ABL1: variants seen among roughly 807,000 people sequenced by gnomAD.
ABL1 encodes the protein tyrosine-protein kinase ABL1.
Under a neutral mutation model 94.7 loss-of-function variants are expected in ABL1, and 11 were observed. The observed-to-expected ratio is 0.12, with a 90% CI of 0.07 to 0.19. ABL1 has a LOEUF of 0.19. Ranked by LOEUF, ABL1 falls within the 10% of genes least tolerant of loss-of-function variation. ABL1 has a pLI of 1.00. For missense variants in ABL1, 1,082 were observed against 1,489.4 expected (o/e 0.73, Z 4.50); for synonymous variants, 656 against 622.4 (o/e 1.05, Z -0.80).
At chr9:130,783,227 C>T (rs1428302677) in intron 1 of ABL1, among the ~76,000 whole-genome samples, 1 of 152,152 alleles carries the variant, frequency 6.6e-6, no homozygotes, top group Non-Finnish European at 1.5e-5. Context: ...AATAACCACC[C>T]AGTGTTAAGT....
chr9:130,716,439 T>C (rs1831442049), intron 1 of ABL1, among the ~76,000 whole-genome samples: 1 of 152,160 alleles, frequency 6.6e-6, no homozygotes, highest in Admixed American at 6.5e-5. Flanking sequence ...CAAAAATTAT[T>C]AATTTTATTA....
At chr9:130,762,533 C>T (rs2132751893) in intron 1 of ABL1, among the ~76,000 whole-genome samples, 1 of 152,218 alleles carries the variant, frequency 6.6e-6, no homozygotes, top group South Asian at 2.1e-4. Context: ...GAGTCCATCA[C>T]TTCCTGTGGG....
chr9:130,776,576 CAAA>C (rs67443041), intron 1 of ABL1, among the ~76,000 whole-genome samples: 42 of 140,996 alleles, frequency 3.0e-4, no homozygotes, highest in Middle Eastern at 3.6e-3. Context: ...GACTCTATCT[CAAA>C]AAAAAAAAAA....
At chr9:130,821,749 G>A (rs1452781894) in intron 1 of ABL1, among the ~76,000 whole-genome samples, 3 of 149,314 alleles carry the variant, frequency 2.0e-5, no homozygotes, top group African/African-American at 4.9e-5. Context: ...TGCAACTTCC[G>A]CCTCCCTGGT....
chr9:130,717,917 G>A (rs961005689), intron 1 of ABL1, among the ~76,000 whole-genome samples: 2 of 152,068 alleles, frequency 1.3e-5, no homozygotes, highest in Non-Finnish European at 1.5e-5. Flanking sequence ...GGAGGCTGAG[G>A]CAGGAGAATT....
chr9:130,744,445 C>A (rs1026761990), intron 1 of ABL1, among the ~76,000 whole-genome samples: 1 of 151,546 alleles, frequency 6.6e-6, no homozygotes, highest in African/African-American at 2.4e-5. Flanking sequence ...CTGGCCCCTT[C>A]TTGTTTTTGT....
chr9:130,865,213 G>A (rs565077087), intron 4 of ABL1, among the ~76,000 whole-genome samples: 2 of 152,184 alleles, frequency 1.3e-5, no homozygotes, highest in African/African-American at 2.4e-5. Flanking sequence ...CTCACAGTTG[G>A]TAAAGAATTA....
At chr9:130,849,344 C>A (rs1190917838) in intron 1 of ABL1, among the ~76,000 whole-genome samples, 1 of 152,090 alleles carries the variant, frequency 6.6e-6, no homozygotes, top group African/African-American at 2.4e-5. Flanking sequence ...GGTTCATATT[C>A]CAGTTGCCCT....
At chr9:130,713,193 G>A (rs944473388) in exon 1 of ABL1, among the ~76,000 whole-genome samples, 2 of 152,170 alleles carry the variant, frequency 1.3e-5, no homozygotes, top group Non-Finnish European at 2.9e-5. Flanking sequence ...GAGCTCGGGA[G>A]ATGTGACTGC....
At chr9:130,796,990 C>T (rs1829983758) in intron 1 of ABL1, among the ~76,000 whole-genome samples, 1 of 148,178 alleles carries the variant, frequency 6.7e-6, no homozygotes, top group African/African-American at 2.5e-5. Flanking sequence ...GTAATCCCAG[C>T]ATTTTGGGAG....
At chr9:130,826,048 C>T (rs971882235) in intron 1 of ABL1, among the ~76,000 whole-genome samples, 3 of 152,150 alleles carry the variant, frequency 2.0e-5, no homozygotes, top group African/African-American at 7.2e-5. Context: ...TGCTCTGCCA[C>T]TAACTTGCTA....
upstream of ABL1, among the ~76,000 whole-genome samples, chr9:130,832,527 T>G (rs1330837835): frequency 6.6e-6 from 1 of 152,206 alleles, no homozygotes; most frequent in Non-Finnish European, 1.5e-5. Flanking sequence ...TGTGTGAACT[T>G]GGACAGAATA....
At chr9:130,758,157 A>AT (rs375183745) in intron 1 of ABL1, among the ~76,000 whole-genome samples, 27,771 of 144,994 alleles carry the variant, frequency 0.19, 3,157 homozygotes, top group Middle Eastern at 0.37. Flanking sequence ...AGTGGCTAAG[A>AT]TTTTTTTTTT....
At chr9:130,747,824 C>T (rs1831906573) in intron 1 of ABL1, among the ~76,000 whole-genome samples, 1 of 152,164 alleles carries the variant, frequency 6.6e-6, no homozygotes, top group Admixed American at 6.6e-5. Flanking sequence ...ACCCTTTTCT[C>T]CCATATAGGG....
Position 130,810,382 on chromosome 9 carries a change from A to G in ABL1, c.137-43682A>G, listed in dbSNP as rs191375790. Among the ~76,000 whole-genome samples the G allele has an allele frequency of 1.3e-4, 20 of 152,166 alleles. No homozygotes were observed. The South Asian group carries it at 3.9e-3, about 30-fold the overall frequency. On this transcript the variant is annotated intron_variant, in intron 1 of 10. Coordinates refer to the ABL1 transcript ENST00000372348. ...GTGGTAGCGTGCACCTATAATCCCAACTATACGGGAGGCTGAGGCAGGAGA... is the reference window on the plus strand; with the variant it reads ...GTGGTAGCGTGCACCTATAATCCCAGCTATACGGGAGGCTGAGGCAGGAGA...
At chr9:130,769,563 T>A (rs1464301353) in intron 1 of ABL1, among the ~76,000 whole-genome samples, 1 of 152,106 alleles carries the variant, frequency 6.6e-6, no homozygotes, top group East Asian at 1.9e-4. Context: ...GGTCTCAAAC[T>A]CCTGACCTCA....
rs753958092 is a variant in ABL1, at chr9:130,854,106, G to C, written c.122G>C (p.Gly41Ala). Residue 41 changes from glycine (G) to alanine (A), a missense_variant, in exon 2 of 11, where the codon GGT becomes GCT. By Grantham distance (60) the Gly-to-Ala change is moderately conservative. Around this residue, in one of 7 missense-constraint regions of ABL1, gnomAD observed 65 missense variants for 80.8 expected, o/e 0.80. Transcript: ENST00000318560. ...GTAGCATCTGACTTTGAGCCTCAGG[G>C]TCTGAGTGAAGCCGCTCGTTGGAAC... is the stretch of plus-strand genomic sequence containing the variant. ...RPVASDFEPQ[G>A]LSEAARWNSK... The C allele has an allele frequency of 6.2e-7, 1 of 1,613,966 alleles. No homozygotes were observed. The highest frequency in any genetic ancestry group is 8.5e-7 in the Non-Finnish European group (1 of 1,180,018).
intron 10 of ABL1, 21 bp from the exon 11 acceptor site, chr9:130,883,948 G>A (rs1329239558): frequency 6.3e-7 from 1 of 1,593,992 alleles, no homozygotes. Flanking sequence ...GGAGTTGTCA[G>A]CTCTTCCCCT....
chr9:130,836,270 G>A (rs1309545800), intron 1 of ABL1, among the ~76,000 whole-genome samples: 1 of 152,098 alleles, frequency 6.6e-6, no homozygotes, highest in Non-Finnish European at 1.5e-5. Flanking sequence ...TCACTTTTGC[G>A]TTCTTTCTAC....
Sources: gnomAD v4.1 joint callset for allele counts (sites outside exome capture counted in the v4.1 genomes callset) on GRCh38, gnomAD v4.1.1 for gene constraint, gnomAD v4.1.1 regional missense constraint, MANE v1.5 for transcripts, NCBI Gene and HGNC (gene_info 2026-07-23, HGNC 2026-07-21) for gene names.